The following GATA3 variants were observed in gnomAD, a reference collection of about 807,000 sequenced individuals.
The protein encoded by GATA3 is GATA binding protein 3.
A neutral mutation model predicts 36.0 loss-of-function variants in GATA3; 6 were observed. The observed-to-expected ratio is 0.17, with a 90% confidence interval of 0.09 to 0.33. GATA3 has a LOEUF of 0.33. Among genes scored for constraint, GATA3 ranks in the 10% least tolerant of loss-of-function variants. GATA3 has a pLI of 1.00. For synonymous variants in GATA3, 326 were observed against 273.0 expected, an observed-to-expected ratio of 1.19 and a Z score of -1.92; for missense variants, 514 against 610.1, an observed-to-expected ratio of 0.84 and a Z score of 1.66.
Position 8,055,864 on chromosome 10 carries a change from C to A in GATA3, c.209C>A (p.Ala70Asp), listed in dbSNP as rs761676499. 6.3e-5 allele frequency: 99 copies of A among 1,571,632 alleles called. No homozygotes were observed. Among genetic ancestry groups the A allele is most frequent in the Non-Finnish European group, 8.5e-5 (98 of 1,158,226 alleles). The change falls in exon 2 of 6, where the codon GCC (alanine) becomes GAC (aspartate). Residue 70 changes from alanine to aspartate, a missense_variant. By Grantham distance (126) the Ala-to-Asp change is moderately radical. This residue lies in a region of GATA3 where 381 missense variants were observed against 354.3 expected (regional missense o/e 1.08). Coordinates refer to ENST00000379328, the MANE Select transcript of GATA3 (RefSeq NM_001002295.2). This position sits in a 1 kb window ranked among gnomAD's most constrained non-coding sequence, Gnocchi z 5.4. Reference sequence around the variant, plus strand: ...CCCTACTACGGAAACTCGGTCAGGGCCACGGTGCAGAGGTACCCTCCGACC... The same window carrying A: ...CCCTACTACGGAAACTCGGTCAGGGACACGGTGCAGAGGTACCCTCCGACC... ...VPPYYGNSVR[A>D]TVQRYPPTHH...
intron 3 of GATA3, among the ~76,000 whole-genome samples, chr10:8,059,967 A>T (rs936516978): frequency 3.3e-5 from 5 of 152,174 alleles, no homozygotes; most frequent in Non-Finnish European, 7.3e-5. Context: ...TCCTATATAG[A>T]AAGCAATCGT....
chr10:8,055,712 C>A lies in GATA3; in HGVS notation c.57C>A (p.Leu19=). 1 of 1,566,140 alleles carries A rather than the reference C, an allele frequency of 6.4e-7. No homozygotes were observed. Among genetic ancestry groups the A allele is most frequent in the Non-Finnish European group, 8.7e-7 (1 of 1,155,666 alleles). The part of the protein sequence containing the change: ...RWVSHHHPAV[L]NGQHPDTHHP... ...TGAGCCACCACCACCCCGCCGTGCT[C>A]AACGGGCAGCACCCGGACACGCACC... The change falls in exon 2 of 6, where the codon CTC becomes CTA. Residue 19 remains leucine, a synonymous_variant. Transcript: ENST00000379328. This position sits in a 1 kb window ranked among gnomAD's most constrained non-coding sequence, Gnocchi z 5.4.
intron 1 of GATA3, among the ~76,000 whole-genome samples, chr10:8,047,493 C>T (rs539137383): frequency 5.9e-5 from 9 of 152,308 alleles, no homozygotes; most frequent in South Asian, 4.1e-4. Context: ...AAATCTTTCC[C>T]ATCACCTCTT....
Position 8,058,770 on chromosome 10 carries a change from C to A in GATA3, c.707C>A (p.Pro236His), listed in dbSNP as rs373442518. The A allele has an allele frequency of 8.1e-6, 13 of 1,610,636 alleles. No homozygotes were observed. The highest frequency in any genetic ancestry group is 2.7e-5 in the African/African-American group (2 of 74,920). ...VPEYSSGLFP[P>H]SSLLGGSPTG... The stretch of plus-strand genomic sequence containing the variant: ...GAGTACAGCTCCGGACTCTTCCCCC[C>A]CAGCAGCCTGCTGGGCGGCTCCCCC... Residue 236 changes from proline to histidine, a missense_variant, in exon 3 of 6, where the codon CCC becomes CAC. By Grantham distance (77) the Pro-to-His change is moderately conservative (BLOSUM62 -2). This residue lies in a region of GATA3 where 381 missense variants were observed against 354.3 expected (regional missense o/e 1.08). Coordinates refer to ENST00000379328, the MANE Select transcript of GATA3 (RefSeq NM_001002295.2).
intron 5 of GATA3, among the ~76,000 whole-genome samples, chr10:8,072,409 A>T (rs958329721): frequency 6.6e-6 from 1 of 151,984 alleles, no homozygotes; most frequent in Non-Finnish European, 1.5e-5. Flanking sequence ...TCTGTTTGCC[A>T]CCCTCCCCTG....
rs1409408969 is a variant in GATA3, at chr10:8,055,800, G to A, written c.145G>A (p.Val49Met). 1 of 1,593,726 alleles carries A rather than the reference G, an allele frequency of 6.3e-7. No individual in the cohort carries two copies. Among genetic ancestry groups the A allele is most frequent in the South Asian group, 1.1e-5 (1 of 87,660 alleles). ...AQYPLPEEVD[V>M]LFNIDGQGNH... is the part of the protein sequence containing the mutation. ...GTACCCGCTGCCGGAGGAGGTGGAT[G>A]TGCTTTTTAACATCGACGGTCAAGG... Residue 49 changes from valine (V) to methionine (M), a missense_variant, in exon 2 of 6, where the codon GTG (valine) becomes ATG (methionine). Transcript: ENST00000379328. This position sits in a 1 kb window ranked among gnomAD's most constrained non-coding sequence, Gnocchi z 5.4.
At chr10:8,050,359 C>A (rs1832453146), upstream of GATA3, 1 of 152,284 alleles carries the variant, frequency 6.6e-6, no homozygotes, top group East Asian at 1.9e-4. Flanking sequence ...ACGTGCAGAC[C>A]GCGGGGCCGC....
chr10:8,072,412 C>T (rs1832944960), intron 5 of GATA3, among the ~76,000 whole-genome samples: 1 of 152,192 alleles, frequency 6.6e-6, no homozygotes, highest in Non-Finnish European at 1.5e-5. Flanking sequence ...GTTTGCCACC[C>T]TCCCCTGGGA....
chr10:8,055,918 G>C lies in GATA3; in HGVS notation c.241+22G>C. On this transcript the variant is annotated intron_variant, in intron 2 of 5. Transcript: ENST00000379328. The surrounding 1 kb of genome is among the most constrained non-coding windows in gnomAD (Gnocchi z 5.4). ...CACGGTGAGTGCGCCCGGGGTGCCG[G>C]GGCTCCCGCCGGCCGCTTCAGCCGT... 4.5e-6 allele frequency: 7 copies of C among 1,550,942 alleles called. No individual in the cohort carries two copies. Among genetic ancestry groups the C allele is most frequent in the Non-Finnish European group, 6.1e-6 (7 of 1,147,096 alleles).
At chr10:8,046,648 A>AGTGTGTGTGTGTGTGTGTGT (rs55947422) in intron 1 of GATA3, among the ~76,000 whole-genome samples, 1 of 137,774 alleles carries the variant, frequency 7.3e-6, no homozygotes, top group Admixed American at 7.2e-5. Context: ...AATGGCTGGC[A>AGTGTGTGTGTGTGTGTGTGT]GTGTGTGTGT....
intron 1 of GATA3, among the ~76,000 whole-genome samples, chr10:8,046,648 A>AGTGTGTGTGTGTGTGT (rs55947422): frequency 1.2e-4 from 17 of 137,770 alleles, no homozygotes; most frequent in Non-Finnish European, 1.7e-4. Context: ...AATGGCTGGC[A>AGTGTGTGTGTGTGTGT]GTGTGTGTGT....
Position 8,064,240 on chromosome 10 carries a change from C to T in GATA3, c.924+102C>T, listed in dbSNP as rs1019600968. ...TTCTGCAGGAAATTGACAGGATAGC[C>T]TCCAATCGTGTCAGCTGGCTTGGGA... On this transcript the variant is annotated intron_variant, in intron 4 of 5. Coordinates refer to ENST00000379328, the MANE Select transcript of GATA3 (RefSeq NM_001002295.2). 3.5e-6 allele frequency: 5 copies of T among 1,425,944 alleles called. No individual in the cohort carries two copies. In the African/African-American group the frequency reaches 5.7e-5, roughly 16 times the overall value. 88.3% of individuals were successfully genotyped at this position (1,425,944 alleles called of 1,614,324 possible). A position where few individuals can be genotyped will look rare whatever the true frequency, so the allele number is the denominator to read the frequency against.
In GATA3 at chr10:8,072,025, A is replaced by G. The variant is rs1289801326; in HGVS notation, c.1051-1714A>G. 5.9e-5 allele frequency among the ~76,000 whole-genome samples: 9 copies of G among 152,206 alleles called. No homozygotes were observed. The South Asian group carries it at 6.2e-4, about 11-fold the overall frequency. On this transcript the variant is annotated intron_variant, in intron 5 of 5. Transcript: ENST00000379328. ...GATTCCTGTCATCTCTGTAGGCTGC[A>G]TCTTTATCTTGATGATAACTTTGAA...
In GATA3 at chr10:8,055,593, C is replaced by T. The variant is rs1832615976; in HGVS notation, c.-63C>T. 3 of 1,528,638 alleles carry T rather than the reference C, an allele frequency of 2.0e-6. No individual in the cohort carries two copies. The highest frequency in any genetic ancestry group is 8.8e-7 in the Non-Finnish European group (1 of 1,142,506). 94.7% of individuals were successfully genotyped at this position (1,528,638 alleles called of 1,614,324 possible). A position where few individuals can be genotyped will look rare whatever the true frequency, so the allele number is the denominator to read the frequency against. On this transcript the variant is annotated 5_prime_UTR_variant, in exon 2 of 6. Coordinates refer to ENST00000379328, the MANE Select transcript of GATA3 (RefSeq NM_001002295.2). This position sits in a 1 kb window ranked among gnomAD's most constrained non-coding sequence, Gnocchi z 5.4. ...GGAGCCCCCCGACCTCCCAGGCGGA[C>T]CGCCCTCCCTCCCCGCGCGCGGGTT...
In GATA3 at chr10:8,073,794, T is replaced by C. The variant is rs1832970635; in HGVS notation, c.1106T>C (p.Met369Thr). 1.9e-6 allele frequency: 3 copies of C among 1,612,776 alleles called. No individual in the cohort carries two copies. Among genetic ancestry groups the C allele is most frequent in the Non-Finnish European group, 2.5e-6 (3 of 1,179,828 alleles). ...KEGIQTRNRKMSSKSKKCKKV... is the reference protein window; with the variant it reads ...KEGIQTRNRKTSSKSKKCKKV... ...GGCATCCAGACCAGAAACCGAAAAA[T>C]GTCTAGCAAATCCAAAAAGTGCAAA... The change falls in exon 6 of 6, where the codon ATG (methionine) becomes ACG (threonine). Residue 369 changes from methionine (M) to threonine (T), a missense_variant. Physicochemically the swap from Met to Thr is moderately conservative, Grantham distance 81. Coordinates refer to ENST00000379328, the MANE Select transcript of GATA3 (RefSeq NM_001002295.2).
intron 2 of GATA3, 22 bp from the exon 3 acceptor site, chr10:8,058,283 C>T: frequency 1.2e-6 from 2 of 1,613,156 alleles, no homozygotes; most frequent in Middle Eastern, 1.7e-4. Context: ...CTCTCTCCTG[C>T]CCTTTCCCCG....
At position 8,055,977 on chromosome 10, in the gene GATA3, C is replaced by T. The variant is rs561659655; in HGVS notation, c.241+81C>T. ...GGGGAGGTCGGGAGGGACCTGAGGG[C>T]GGGGAGAGGTCAAGCGAAAGCCCCC... is the stretch of plus-strand genomic sequence containing the variant. On this transcript the variant is annotated intron_variant, in intron 2 of 5. Transcript: ENST00000379328. The surrounding 1 kb of genome is among the most constrained non-coding windows in gnomAD (Gnocchi z 5.4). 50 of 1,526,838 alleles carry T rather than the reference C, an allele frequency of 3.3e-5. No individual in the cohort carries two copies. The African/African-American group carries it at 6.3e-4, about 19-fold the overall frequency. 94.6% of individuals were successfully genotyped at this position (1,526,838 alleles called of 1,614,324 possible). A position where few individuals can be genotyped will look rare whatever the true frequency, so the allele number is the denominator to read the frequency against.
chr10:8,066,277 G>C (rs1392622177), intron 4 of GATA3, among the ~76,000 whole-genome samples: 2 of 152,008 alleles, frequency 1.3e-5, no homozygotes, highest in Non-Finnish European at 2.9e-5. Flanking sequence ...AGAACTCTGA[G>C]TAATAATTGC....
At chr10:8,046,071 G>A (rs1832383010) in intron 1 of GATA3, among the ~76,000 whole-genome samples, 1 of 152,156 alleles carries the variant, frequency 6.6e-6, no homozygotes, top group African/African-American at 2.4e-5. Flanking sequence ...AGGCTTCTTT[G>A]CTTCCAGGAG....
Sources: gnomAD v4.1 joint callset for allele counts (sites outside exome capture counted in the v4.1 genomes callset) on GRCh38, gnomAD v4.1.1 for gene constraint, gnomAD v4.1.1 regional missense constraint, Gnocchi (gnomAD v3.1) non-coding constraint, MANE v1.5 for transcripts, NCBI Gene and HGNC (gene_info 2026-07-23, HGNC 2026-07-21) for gene names.